The following PDGFRL variants were observed in gnomAD, a reference collection of about 807,000 sequenced individuals.
PDGFRL encodes the protein platelet-derived growth factor receptor-like protein.
A neutral mutation model predicts 37.2 loss-of-function variants in PDGFRL; 46 were observed. The ratio of observed to expected loss-of-function variants is 1.24; its 90% CI spans 0.98 to 1.58. The LOEUF (loss-of-function observed/expected upper bound fraction) is 1.58, where lower values mean the gene tolerates loss of function less well. Among genes scored for constraint, PDGFRL ranks in the 40% most tolerant of loss-of-function variants. PDGFRL has a pLI of 0.00. For missense variants in PDGFRL, 692 were observed against 467.6 expected (o/e 1.48, Z -4.43); for synonymous variants, 251 against 184.3 (o/e 1.36, Z -2.93).
At chr8:17,641,518 A>G (rs1482779372) in intron 5 of PDGFRL, among the ~76,000 whole-genome samples, 1 of 152,192 alleles carries the variant, frequency 6.6e-6, no homozygotes, top group Non-Finnish European at 1.5e-5. Context: ...TCTCTATACA[A>G]GCTGTGCCCA....
chr8:17,631,691 C>T (rs1416945877), intron 4 of PDGFRL, among the ~76,000 whole-genome samples: 2 of 152,156 alleles, frequency 1.3e-5, no homozygotes, highest in Non-Finnish European at 2.9e-5. Flanking sequence ...CCAAGGTACT[C>T]GGGGACCCCC....
chr8:17,596,204 TCCACTGAGCC>T, intron 2 of PDGFRL: 1 of 455,618 alleles, frequency 2.2e-6, no homozygotes. Flanking sequence ...TCCAAGGCCG[TCCACTGAGCC>T]CCGTGTGACT....
chr8:17,641,140 A>T (rs1401777129), intron 5 of PDGFRL, among the ~76,000 whole-genome samples: 1 of 152,138 alleles, frequency 6.6e-6, no homozygotes, highest in Non-Finnish European at 1.5e-5. Context: ...AACAGCACCG[A>T]GTTTGTTTCT....
At chr8:17,619,271 C>T (rs117119004) in intron 2 of PDGFRL, among the ~76,000 whole-genome samples, 9 of 152,168 alleles carry the variant, frequency 5.9e-5, no homozygotes, top group African/African-American at 2.2e-4. Context: ...TCAGGGGAAC[C>T]TCCAGTGTGA....
At chr8:17,621,925 G>A (rs973575138) in intron 3 of PDGFRL, among the ~76,000 whole-genome samples, 5 of 152,000 alleles carry the variant, frequency 3.3e-5, no homozygotes, top group Admixed American at 2.0e-4. Context: ...CTCCTGCTTC[G>A]GTCTCCCAAA....
intron 5 of PDGFRL, among the ~76,000 whole-genome samples, chr8:17,640,053 G>A (rs1205256334): frequency 6.6e-6 from 1 of 152,044 alleles, no homozygotes; most frequent in East Asian, 1.9e-4. Context: ...TCTTTCTTCT[G>A]GTTGTTCAGT....
At chr8:17,593,666 G>A (rs968702794) in intron 2 of PDGFRL, among the ~76,000 whole-genome samples, 6 of 151,690 alleles carry the variant, frequency 4.0e-5, no homozygotes, top group Non-Finnish European at 5.9e-5. Flanking sequence ...AGGCTGAGGC[G>A]GGCGGATCAC....
Position 17,634,192 on chromosome 8 carries a change from C to G in PDGFRL, c.918C>G (p.Thr306=). 1 of 1,613,138 alleles carries G rather than the reference C, an allele frequency of 6.2e-7. No individual in the cohort carries two copies. Among genetic ancestry groups the G allele is most frequent in the African/African-American group, 1.3e-5 (1 of 75,036 alleles). The part of the protein sequence containing the change: ...LGEPDVEVEF[T]WIFPGQKDER... ...AGCCCGATGTGGAGGTGGAGTTCACCTGGATCTTCCCAGGGCAGAAGGTAA... is the reference window on the plus strand; with the variant it reads ...AGCCCGATGTGGAGGTGGAGTTCACGTGGATCTTCCCAGGGCAGAAGGTAA... The change falls in exon 5 of 6, where the codon ACC becomes ACG. Residue 306 remains threonine (T), a synonymous_variant. Transcript: ENST00000251630.
At chr8:17,592,224 A>C in intron 2 of PDGFRL, among the ~76,000 whole-genome samples, 1 of 152,200 alleles carries the variant, frequency 6.6e-6, no homozygotes, top group Non-Finnish European at 1.5e-5. Context: ...ATGAAAAACC[A>C]CCATTGCTTT....
chr8:17,596,860 C>G (rs973967379), intron 2 of PDGFRL, among the ~76,000 whole-genome samples: 1 of 152,344 alleles, frequency 6.6e-6, no homozygotes. Flanking sequence ...ATTCAAGAAA[C>G]GGACTCTTGA....
intron 2 of PDGFRL, among the ~76,000 whole-genome samples, chr8:17,597,945 A>G (rs1473786019): frequency 2.0e-5 from 3 of 152,078 alleles, no homozygotes; most frequent in Non-Finnish European, 2.9e-5. Flanking sequence ...TTTGATGACA[A>G]TATGGTATTC....
At chr8:17,634,041 GT>G (rs746153395) in intron 4 of PDGFRL, 32 bp from the exon 5 acceptor site, 9 of 1,609,992 alleles carry the variant, frequency 5.6e-6, no homozygotes, top group Non-Finnish European at 6.8e-6. Flanking sequence ...TACACTCGGG[GT>G]CTCACTCTGC....
At position 17,589,463 on chromosome 8, in the gene PDGFRL, T is replaced by G. The variant is rs990414290; in HGVS notation, c.56-5T>G. The G allele has an allele frequency of 6.2e-7, 1 of 1,607,368 alleles. No individual in the cohort carries two copies. The highest frequency in any genetic ancestry group is 8.5e-7 in the Non-Finnish European group (1 of 1,175,986). On this transcript the variant is annotated splice_polypyrimidine_tract_variant and splice_region_variant and intron_variant, in intron 1 of 5. Transcript: ENST00000251630. Reference sequence around the variant, plus strand: ...AGCGCATTTCTCTCTCCTTACGTTTTGCAGTTACTGGCCAACACCTTCCCA... The same window carrying G: ...AGCGCATTTCTCTCTCCTTACGTTTGGCAGTTACTGGCCAACACCTTCCCA...
intron 2 of PDGFRL, among the ~76,000 whole-genome samples, chr8:17,592,773 C>G (rs1803967461): frequency 6.6e-6 from 1 of 152,196 alleles, no homozygotes; most frequent in South Asian, 2.1e-4. Context: ...CAGCTCTCTT[C>G]ACACTGAAAA....
chr8:17,636,108 G>T (rs181537607), intron 5 of PDGFRL, among the ~76,000 whole-genome samples: 3 of 152,180 alleles, frequency 2.0e-5, no homozygotes, highest in Non-Finnish European at 4.4e-5. Context: ...CTGTGCAGAA[G>T]TTTTTTAGTT....
At chr8:17,622,120 G>A (rs1804647726) in intron 3 of PDGFRL, among the ~76,000 whole-genome samples, 1 of 152,192 alleles carries the variant, frequency 6.6e-6, no homozygotes, top group Non-Finnish European at 1.5e-5. Flanking sequence ...TCTCTGCAGT[G>A]CAAAGTATGT....
At chr8:17,582,231 T>G (rs146332477) in intron 1 of PDGFRL, among the ~76,000 whole-genome samples, 78 of 152,182 alleles carry the variant, frequency 5.1e-4, no homozygotes, top group African/African-American at 1.8e-3. Flanking sequence ...TGTCCTAGGG[T>G]ATCCTAAAGA....
intron 1 of PDGFRL, among the ~76,000 whole-genome samples, chr8:17,588,031 TG>T (rs1237634866): frequency 1.3e-5 from 2 of 151,968 alleles, no homozygotes; most frequent in Non-Finnish European, 2.9e-5. Context: ...GGCAGAACAG[TG>T]GGGGCACTCT....
chr8:17,617,427 T>A (rs2129748257), intron 2 of PDGFRL, among the ~76,000 whole-genome samples: 1 of 152,170 alleles, frequency 6.6e-6, no homozygotes, highest in South Asian at 2.1e-4. Flanking sequence ...AAAGGAAGGG[T>A]CTTTGATGAA....
Sources: gnomAD v4.1 joint callset for allele counts (sites outside exome capture counted in the v4.1 genomes callset) on GRCh38, gnomAD v4.1.1 for gene constraint, MANE v1.5 for transcripts, NCBI Gene and HGNC (gene_info 2026-07-23, HGNC 2026-07-21) for gene names.